SLC35F4: variants seen among roughly 807,000 people sequenced by gnomAD.
The protein encoded by SLC35F4 is chromosome 14 open reading frame 36.
Under a neutral mutation model 44.2 loss-of-function variants are expected in SLC35F4, and 24 were observed. The ratio of observed to expected loss-of-function variants is 0.54; its 90% CI spans 0.39 to 0.76. SLC35F4 has a LOEUF of 0.76. Ranked by LOEUF, SLC35F4 falls within the 30% of genes least tolerant of loss-of-function variation. The pLI is 0.00. For synonymous variants in SLC35F4, 238 were observed against 223.6 expected (o/e 1.06, Z -0.57); for missense variants, 562 against 586.1 (o/e 0.96, Z 0.42).
intron 1 of SLC35F4, among the ~76,000 whole-genome samples, chr14:57,833,966 CATGTT>C (rs1191947461): frequency 6.6e-6 from 1 of 152,222 alleles, no homozygotes; most frequent in African/African-American, 2.4e-5. Flanking sequence ...CCTCTCTTCA[CATGTT>C]AAAATAAATC....
At chr14:57,633,612 T>G (rs1292166400) in intron 1 of SLC35F4, among the ~76,000 whole-genome samples, 2 of 152,116 alleles carry the variant, frequency 1.3e-5, no homozygotes, top group Non-Finnish European at 2.9e-5. Flanking sequence ...CACATAGATT[T>G]GTGTAACCAC....
chr14:57,911,009 A>G (rs996501974), intron 1 of SLC35F4, among the ~76,000 whole-genome samples: 4 of 151,880 alleles, frequency 2.6e-5, no homozygotes, highest in South Asian at 4.1e-4. Context: ...ACTTATACCT[A>G]TGTATTTTAT....
chr14:57,610,583 TCACTTTGTCTCA>T (rs1196108578), intron 1 of SLC35F4, among the ~76,000 whole-genome samples: 1 of 152,226 alleles, frequency 6.6e-6, no homozygotes, highest in Non-Finnish European at 1.5e-5. Flanking sequence ...AGCTCAGGAT[TCACTTTGTCTCA>T]CAATTTTATT....
At chr14:57,694,580 T>C (rs1224653344) in intron 1 of SLC35F4, among the ~76,000 whole-genome samples, 2 of 152,210 alleles carry the variant, frequency 1.3e-5, no homozygotes, top group Non-Finnish European at 2.9e-5. Flanking sequence ...TGAACTAATG[T>C]TGAGAGTTTG....
chr14:57,885,897 C>T (rs374305382), intron 1 of SLC35F4, among the ~76,000 whole-genome samples: 1 of 152,270 alleles, frequency 6.6e-6, no homozygotes, highest in East Asian at 1.9e-4. Flanking sequence ...CTGGATATTT[C>T]CTTCAGAGAT....
intron 1 of SLC35F4, among the ~76,000 whole-genome samples, chr14:57,752,380 G>A (rs763788165): frequency 1.3e-4 from 20 of 151,860 alleles, no homozygotes; most frequent in Admixed American, 3.3e-4. Flanking sequence ...CAGCTGATTG[G>A]AAGAAAGTAA....
intron 1 of SLC35F4, among the ~76,000 whole-genome samples, chr14:57,786,874 A>G (rs2077775870): frequency 6.6e-6 from 1 of 152,096 alleles, no homozygotes; most frequent in South Asian, 2.1e-4. Flanking sequence ...CCCCTCAACA[A>G]TCATATTAGT....
At position 57,569,775 on chromosome 14, in the gene SLC35F4, C is replaced by A; in HGVS notation, c.1126+13G>T. ...GATATAGGGAATGGAAGGCAAAACCCGAGGCCACTTACCCAGCCACAGCCC... is the reference window on the plus strand; with the variant it reads ...GATATAGGGAATGGAAGGCAAAACCAGAGGCCACTTACCCAGCCACAGCCC... On this transcript the variant is annotated intron_variant, in intron 6 of 7. Transcript: ENST00000556826. The A allele has an allele frequency of 1.3e-6, 2 of 1,574,078 alleles. No individual in the cohort carries two copies. Among genetic ancestry groups the A allele is most frequent in the South Asian group, 1.2e-5 (1 of 82,654 alleles).
At chr14:57,738,546 G>A (rs2076521757) in intron 1 of SLC35F4, among the ~76,000 whole-genome samples, 2 of 151,844 alleles carry the variant, frequency 1.3e-5, no homozygotes, top group Non-Finnish European at 1.5e-5. Context: ...GACTGCCCAT[G>A]TTCTGGTATA....
intron 1 of SLC35F4, among the ~76,000 whole-genome samples, chr14:57,654,905 C>T (rs2073910056): frequency 6.6e-6 from 1 of 152,146 alleles, no homozygotes; most frequent in Non-Finnish European, 1.5e-5. Flanking sequence ...GGGTGTCCAG[C>T]ACCCTAGCTT....
At chr14:57,865,066 C>T (rs1228248630) in intron 1 of SLC35F4, among the ~76,000 whole-genome samples, 1 of 150,678 alleles carries the variant, frequency 6.6e-6, no homozygotes, top group Non-Finnish European at 1.5e-5. Context: ...AGACCCCCCC[C>T]CCCCACGCCC....
intron 4 of SLC35F4, 56 bp from the exon 5 acceptor site, chr14:57,572,075 C>A: frequency 6.4e-7 from 1 of 1,569,582 alleles, no homozygotes; most frequent in Non-Finnish European, 8.6e-7. Flanking sequence ...TATCCTAGAG[C>A]AGGCAATTCA....
chr14:57,969,629 G>A (rs1009606657), intron 1 of SLC35F4, among the ~76,000 whole-genome samples: 2 of 151,932 alleles, frequency 1.3e-5, no homozygotes, highest in South Asian at 2.1e-4. Context: ...ATTCTTCTGT[G>A]TTTTCCATGT....
intron 1 of SLC35F4, among the ~76,000 whole-genome samples, chr14:57,715,895 G>A (rs1178410817): frequency 1.3e-5 from 2 of 150,342 alleles, no homozygotes; most frequent in Non-Finnish European, 2.9e-5. Flanking sequence ...GAGGAAGAGT[G>A]GTGATCAGAC....
intron 1 of SLC35F4, among the ~76,000 whole-genome samples, chr14:57,627,871 T>A (rs2072552098): frequency 6.6e-6 from 1 of 152,080 alleles, no homozygotes. Context: ...TGTCTCCGAG[T>A]CAAAAGGACT....
At chr14:57,914,179 C>A (rs1263357149) in intron 1 of SLC35F4, among the ~76,000 whole-genome samples, 2 of 152,216 alleles carry the variant, frequency 1.3e-5, no homozygotes, top group Non-Finnish European at 2.9e-5. Flanking sequence ...GCACCATCAT[C>A]TGTCACAGGT....
intron 1 of SLC35F4, among the ~76,000 whole-genome samples, chr14:57,721,939 T>C (rs1301140922): frequency 6.6e-6 from 1 of 151,810 alleles, no homozygotes; most frequent in South Asian, 2.1e-4. Flanking sequence ...CTCATTATCT[T>C]GCCTGTGATG....
chr14:57,574,534 T>A (rs1350758691), intron 4 of SLC35F4, among the ~76,000 whole-genome samples: 2 of 152,192 alleles, frequency 1.3e-5, no homozygotes, highest in Non-Finnish European at 2.9e-5. Flanking sequence ...ATATAGTATG[T>A]TCCTGGGGCA....
chr14:57,608,798 GGC>G (rs1566677582), intron 1 of SLC35F4, among the ~76,000 whole-genome samples: 607 of 16,566 alleles, frequency 0.037, 49 homozygotes, highest in African/African-American at 0.067. Flanking sequence ...GGGGGGGGGC[GGC>G]GGGGGGAGAG....
Sources: allele counts gnomAD v4.1 joint callset (sites outside exome capture counted in the v4.1 genomes callset), GRCh38; gene constraint gnomAD v4.1.1; transcripts MANE v1.5; gene names NCBI Gene and HGNC (gene_info 2026-07-23, HGNC 2026-07-21).